The following IQSEC1 variants were observed in gnomAD, a reference collection of about 807,000 sequenced individuals.
The protein encoded by IQSEC1 is IQ motif and Sec7 domain ArfGEF 1, also known as IQ motif and SEC7 domain-containing protein 1.
A neutral mutation model predicts 91.0 loss-of-function variants in IQSEC1; 31 were observed. That is an observed-to-expected ratio of 0.34 (90% CI 0.26 to 0.46). The LOEUF (loss-of-function observed/expected upper bound fraction) is 0.46, where lower values mean the gene tolerates loss of function less well. Ranked by LOEUF, IQSEC1 falls within the 20% of genes least tolerant of loss-of-function variation. IQSEC1 has a pLI of 1.00. For missense variants in IQSEC1, 1,388 were observed against 1,575.6 expected (o/e 0.88, Z 2.02); for synonymous variants, 699 against 662.6 (o/e 1.05, Z -0.84).
chr3:13,087,073 T>A (rs1270017979), intron 2 of IQSEC1, among the ~76,000 whole-genome samples: 1 of 152,240 alleles, frequency 6.6e-6, no homozygotes, highest in East Asian at 1.9e-4. Context: ...GGTGCCACAC[T>A]GTAGCTCTAC....
chr3:13,176,402 A>T (rs1321935937), intron 1 of IQSEC1, among the ~76,000 whole-genome samples: 1 of 151,902 alleles, frequency 6.6e-6, no homozygotes, highest in Non-Finnish European at 1.5e-5. Context: ...TCCAGACCCC[A>T]TGAGAGACAC....
Position 12,911,738 on chromosome 3 carries a change from G to T in IQSEC1, c.2317-10C>A. The T allele has an allele frequency of 6.3e-7, 1 of 1,589,424 alleles. No individual in the cohort carries two copies. Among genetic ancestry groups the T allele is most frequent in the Non-Finnish European group, 8.6e-7 (1 of 1,160,072 alleles). ...GGAAGATCTTGGTGACCTAGAGGCA[G>T]CCAGAGACAGAGCTGAGCTACAGTG... On this transcript the variant is annotated splice_polypyrimidine_tract_variant and intron_variant, in intron 9 of 13. Transcript: ENST00000613206.
intron 2 of IQSEC1, among the ~76,000 whole-genome samples, chr3:13,085,986 C>T (rs1705728977): frequency 1.3e-5 from 2 of 152,230 alleles, no homozygotes; most frequent in Admixed American, 6.5e-5. Flanking sequence ...CACACTTCTC[C>T]TCTACCCCCA....
At position 13,263,427 on chromosome 3, in the gene IQSEC1, T is replaced by TG. The variant is rs74458928; in HGVS notation, c.272+19283dup. Reference sequence around the variant, plus strand: ...AAAAAGTACCTGACACTTTTTTTTTTGGGGGGGGGGGGAAAGTACCTGACA... The same window carrying TG: ...AAAAAGTACCTGACACTTTTTTTTTTGGGGGGGGGGGGGAAAGTACCTGACA... On this transcript the variant is annotated intron_variant, in intron 1 of 15. Coordinates refer to the IQSEC1 transcript ENST00000648114. Among the ~76,000 whole-genome samples the TG allele has an allele frequency of 5.0e-3, 511 of 102,870 alleles. 4 individuals carry two copies. The highest frequency in any genetic ancestry group is 0.019 in the East Asian group (48 of 2,592). 67.5% of individuals were successfully genotyped at this position (102,870 alleles called of 152,430 possible).
chr3:13,123,179 C>T (rs1337564294), intron 2 of IQSEC1, among the ~76,000 whole-genome samples: 3 of 152,232 alleles, frequency 2.0e-5, no homozygotes, highest in Non-Finnish European at 4.4e-5. Context: ...TTTTGAGATA[C>T]TTGGCTCAAC....
upstream of IQSEC1, among the ~76,000 whole-genome samples, chr3:13,075,779 C>G (rs1342672132): frequency 6.6e-6 from 1 of 152,208 alleles, no homozygotes; most frequent in Non-Finnish European, 1.5e-5. Flanking sequence ...TTCTGACATT[C>G]AATATCCAGC....
intron 1 of IQSEC1, among the ~76,000 whole-genome samples, chr3:13,268,873 C>T (rs957007311): frequency 3.9e-5 from 6 of 152,138 alleles, no homozygotes; most frequent in Admixed American, 2.0e-4. Context: ...GATGCAAGCC[C>T]CCAGGCCCCC....
intron 1 of IQSEC1, among the ~76,000 whole-genome samples, chr3:12,948,624 C>A (rs868038290): frequency 4.6e-5 from 7 of 152,178 alleles, no homozygotes; most frequent in Admixed American, 4.6e-4. Flanking sequence ...TGACTTTTCT[C>A]AAGAAAAATG....
At chr3:13,101,400 CAG>C (rs1232215047) in intron 2 of IQSEC1, among the ~76,000 whole-genome samples, 7 of 129,120 alleles carry the variant, frequency 5.4e-5, no homozygotes, top group Admixed American at 7.6e-5. Flanking sequence ...GCCTGGGAGA[CAG>C]GGTGAGATTC....
chr3:12,995,937 G>A (rs1212695194), intron 1 of IQSEC1, among the ~76,000 whole-genome samples: 1 of 152,166 alleles, frequency 6.6e-6, no homozygotes, highest in Non-Finnish European at 1.5e-5. Flanking sequence ...CCAGTGCTTT[G>A]GGAGGCTGAG....
intron 1 of IQSEC1, among the ~76,000 whole-genome samples, chr3:13,011,514 C>T (rs1442508562): frequency 6.6e-6 from 1 of 152,222 alleles, no homozygotes; most frequent in Non-Finnish European, 1.5e-5. Flanking sequence ...GGGGTTACAG[C>T]AACTGTAGGG....
intron 1 of IQSEC1, among the ~76,000 whole-genome samples, chr3:13,235,022 G>A (rs1281891045): frequency 2.6e-5 from 4 of 152,124 alleles, no homozygotes; most frequent in East Asian, 1.9e-4. Context: ...TGGGGCCCAC[G>A]GGTCTGGGGA....
chr3:13,223,983 G>A (rs1264639769), intron 1 of IQSEC1, among the ~76,000 whole-genome samples: 1 of 152,166 alleles, frequency 6.6e-6, no homozygotes, highest in Non-Finnish European at 1.5e-5. Flanking sequence ...TGAGCCAGGG[G>A]GTTGGGGCCG....
At chr3:12,968,010 GC>G (rs1162228366) in intron 1 of IQSEC1, among the ~76,000 whole-genome samples, 1 of 152,216 alleles carries the variant, frequency 6.6e-6, no homozygotes, top group African/African-American at 2.4e-5. Flanking sequence ...GTCCCAGCGC[GC>G]GAAGCCTCTG....
At chr3:12,948,342 T>A (rs1699316757) in intron 1 of IQSEC1, among the ~76,000 whole-genome samples, 1 of 152,248 alleles carries the variant, frequency 6.6e-6, no homozygotes. Flanking sequence ...CCCTGCCTGC[T>A]GTTGAGACCC....
At chr3:13,264,270 G>T (rs2125134139) in intron 1 of IQSEC1, among the ~76,000 whole-genome samples, 1 of 152,258 alleles carries the variant, frequency 6.6e-6, no homozygotes, top group Admixed American at 6.5e-5. Flanking sequence ...ACTTAAACTG[G>T]TTTTCCAGTC....
chr3:12,900,764 T>A lies in IQSEC1; in HGVS notation c.*219A>T, dbSNP rs1559593759. The stretch of plus-strand genomic sequence containing the variant: ...GGCCCACCCATCCCTCAGACTGAGG[T>A]GAGCAGAGCCCAGGGTGCCAACAAG... On this transcript the variant is annotated 3_prime_UTR_variant, in exon 14 of 14. Transcript: ENST00000613206. The A allele has an allele frequency of 2.1e-6, 3 of 1,432,216 alleles. No individual in the cohort carries two copies. The East Asian group carries it at 7.6e-5, about 36-fold the overall frequency. The allele number at this position is 1,432,216 out of a possible 1,614,324, so 88.7% of individuals were successfully genotyped here. A position where few individuals can be genotyped will look rare whatever the true frequency, so the allele number is the denominator to read the frequency against.
rs1260585932 is a variant in IQSEC1, at chr3:12,994,415, T to C, written c.24-52550A>G. ...CCGACGTCACCCGAGCCTGGACGAG[T>C]GGAGGGCGCTCAGGTCGGTGCAGCC... On this transcript the variant is annotated intron_variant, in intron 1 of 13. Transcript: ENST00000613206. This position sits in a 1 kb window ranked among gnomAD's most constrained non-coding sequence, Gnocchi z 4.5. 6.7e-6 allele frequency among the ~76,000 whole-genome samples: 1 copy of C among 149,130 alleles called. No individual in the cohort carries two copies. Among genetic ancestry groups the C allele is most frequent in the East Asian group, 2.0e-4 (1 of 4,956 alleles).
intron 1 of IQSEC1, among the ~76,000 whole-genome samples, chr3:13,242,215 C>T (rs1222063463): frequency 6.6e-6 from 1 of 152,148 alleles, no homozygotes; most frequent in Non-Finnish European, 1.5e-5. Context: ...GTACTGGGCT[C>T]GAGCTGGTCT....
Sources: allele counts gnomAD v4.1 joint callset (sites outside exome capture counted in the v4.1 genomes callset), GRCh38; gene constraint gnomAD v4.1.1; non-coding constraint Gnocchi (gnomAD v3.1); transcripts MANE v1.5; gene names NCBI Gene and HGNC (gene_info 2026-07-23, HGNC 2026-07-21).